The following SPRED3 variants were observed in gnomAD, a reference collection of about 807,000 sequenced individuals.
SPRED3 encodes the protein sprouty related EVH1 domain containing 3.
In SPRED3, 23 loss-of-function variants were observed where a neutral mutation model predicts 37.6. The ratio of observed to expected loss-of-function variants is 0.61; its 90% CI spans 0.44 to 0.87. The LOEUF (loss-of-function observed/expected upper bound fraction) is 0.87. SPRED3 is among the 40% of genes least tolerant of loss of function. The probability of loss-of-function intolerance (pLI) is 0.00; values close to 1 mark genes in which losing one functional copy is unlikely to be tolerated. For synonymous variants in SPRED3, 302 were observed against 279.6 expected (o/e 1.08, Z -0.80); for missense variants, 584 against 618.6 (o/e 0.94, Z 0.59).
In SPRED3 at chr19:38,395,864, GC is replaced by G. The variant is rs1268184478; in HGVS notation, c.956del (p.Pro319ArgfsTer11). The G allele has an allele frequency of 1.3e-6, 2 of 1,488,186 alleles. No homozygotes were observed. Among genetic ancestry groups the G allele is most frequent in the Non-Finnish European group, 1.8e-6 (2 of 1,126,956 alleles). The allele number at this position is 1,488,186 out of a possible 1,614,324, so 92.2% of individuals were successfully genotyped here. ...ADGRGGRCAE[A>X]PDPGRLLVRR... is the part of the protein sequence containing the mutation. ...CGGGCGTGGCGGCCGCTGCGCAGAG[GC>G]CCCGGACCCGGGTCGCCTCCTGGTG... is the stretch of plus-strand genomic sequence containing the variant. On this transcript the variant is annotated frameshift_variant, in exon 6 of 6. Coordinates refer to ENST00000691638, the MANE Select transcript of SPRED3 (RefSeq NM_001394336.1). LOFTEE classifies it high-confidence loss of function. The surrounding 1 kb of genome is among the most constrained non-coding windows in gnomAD (Gnocchi z 5.2).
At chr19:38,393,782 C>T (rs1265070091) in intron 4 of SPRED3, among the ~76,000 whole-genome samples, 6 of 152,134 alleles carry the variant, frequency 3.9e-5, no homozygotes, top group African/African-American at 1.2e-4. Flanking sequence ...GTTGAATAAA[C>T]GGAATGAATG....
intron 2 of SPRED3, 99 bp downstream of exon 2, chr19:38,390,578 G>A (rs1169509746): frequency 1.0e-6 from 1 of 1,000,156 alleles, no homozygotes; most frequent in Non-Finnish European, 1.3e-6. Context: ...CCCAGCCTAG[G>A]AATCAAGCTG....
intron 2 of SPRED3, among the ~76,000 whole-genome samples, 170 bp from the exon 3 acceptor site, chr19:38,391,776 T>G (rs1970835459): frequency 6.6e-6 from 1 of 151,930 alleles, no homozygotes; most frequent in Non-Finnish European, 1.5e-5. Flanking sequence ...ACAAAACAAG[T>G]AAAACTGGGG....
rs377627836 is a variant in SPRED3, at chr19:38,392,017, C to T, written c.249C>T (p.Ser83=). The change falls in exon 3 of 6, where the codon AGC becomes AGT. Residue 83 remains serine (S), a synonymous_variant. Transcript: ENST00000691638. ...TGAATCCCATCTTTCACCACTGGAGCCTGGGTGACTGCAAGTTTGGACTGA... is the reference window on the plus strand; with the variant it reads ...TGAATCCCATCTTTCACCACTGGAGTCTGGGTGACTGCAAGTTTGGACTGA... ...NKVNPIFHHW[S]LGDCKFGLTF... 9.9e-6 allele frequency: 16 copies of T among 1,614,086 alleles called. No homozygotes were observed. The African/African-American group carries it at 2.0e-4, about 20-fold the overall frequency.
intron 2 of SPRED3, among the ~76,000 whole-genome samples, chr19:38,391,511 C>T (rs1230591279): frequency 2.0e-5 from 3 of 151,944 alleles, no homozygotes; most frequent in South Asian, 2.1e-4. Flanking sequence ...CAGCAAGATT[C>T]GGGGTTTCTA....
In SPRED3 at chr19:38,395,893, C is replaced by A; in HGVS notation, c.981C>A (p.Arg327=). 6.6e-7 allele frequency: 1 copy of A among 1,504,074 alleles called. No individual in the cohort carries two copies. The highest frequency in any genetic ancestry group is 8.8e-7 in the Non-Finnish European group (1 of 1,135,106). 93.2% of individuals were successfully genotyped at this position (1,504,074 alleles called of 1,614,324 possible). Residue 327 remains arginine, a synonymous_variant, in exon 6 of 6, where the codon CGC becomes CGA. Transcript: ENST00000691638. This position sits in a 1 kb window ranked among gnomAD's most constrained non-coding sequence, Gnocchi z 5.2. Reference sequence around the variant, plus strand: ...CGGACCCGGGTCGCCTCCTGGTGCGCCGTCTAAGCTGCCTGTGGTGCGCCG... The same window carrying A: ...CGGACCCGGGTCGCCTCCTGGTGCGACGTCTAAGCTGCCTGTGGTGCGCCG... ...EAPDPGRLLV[R]RLSCLWCAES... is the part of the protein sequence containing the mutation.
intron 2 of SPRED3, among the ~76,000 whole-genome samples, 159 bp from the exon 3 acceptor site, chr19:38,391,787 A>C (rs1266155640): frequency 6.6e-6 from 1 of 152,090 alleles, no homozygotes; most frequent in Non-Finnish European, 1.5e-5. Context: ...AAAACTGGGG[A>C]GTCGTATCAG....
At chr19:38,390,836 C>T (rs1970823994) in intron 2 of SPRED3, among the ~76,000 whole-genome samples, 1 of 145,844 alleles carries the variant, frequency 6.9e-6, no homozygotes, top group Non-Finnish European at 1.5e-5. Context: ...CTCAGAGATC[C>T]TTGCCACGAG....
chr19:38,391,324 GA>G (rs769735728), intron 2 of SPRED3, among the ~76,000 whole-genome samples: 1,977 of 111,584 alleles, frequency 0.018, 24 homozygotes, highest in Admixed American at 0.031. Context: ...AGCTCATCTG[GA>G]AAAAAAAAAA....
chr19:38,394,005 T>C (rs188833835), intron 4 of SPRED3, among the ~76,000 whole-genome samples: 198 of 152,334 alleles, frequency 1.3e-3, no homozygotes, highest in African/African-American at 4.7e-3. Context: ...CCCTCTGGAA[T>C]CTGCACAGTG....
Position 38,394,669 on chromosome 19 carries a change from C to T in SPRED3, c.450C>T (p.Ser150=). 1.3e-6 allele frequency: 2 copies of T among 1,598,540 alleles called. No homozygotes were observed. The highest frequency in any genetic ancestry group is 1.7e-6 in the Non-Finnish European group (2 of 1,176,170). ...LTSHVDSDSS[S]SHSRQETPPS... Reference sequence around the variant, plus strand: ...CCCACGTGGACAGCGACTCCTCCTCCAGTCACAGCCGCCAGGAGACTCCTC... The same window carrying T: ...CCCACGTGGACAGCGACTCCTCCTCTAGTCACAGCCGCCAGGAGACTCCTC... The change falls in exon 5 of 6, where the codon TCC becomes TCT. Residue 150 remains serine (S), a synonymous_variant. Transcript: ENST00000691638.
chr19:38,392,864 C>T lies in SPRED3; in HGVS notation c.423+576C>T, dbSNP rs575639598. ...CATCTCAATAGCTTCTCACTGTCAA[C>T]TCCTTCCCTCCTGCCCCCACACATA... On this transcript the variant is annotated intron_variant, in intron 4 of 5. Coordinates refer to ENST00000691638, the MANE Select transcript of SPRED3 (RefSeq NM_001394336.1). 6.0e-4 allele frequency among the ~76,000 whole-genome samples: 92 copies of T among 152,318 alleles called. 3 individuals are homozygous for T. The highest frequency in any genetic ancestry group is 2.0e-3 in the African/African-American group (83 of 41,558).
Position 38,388,813 on chromosome 19 carries a change from T to G in SPRED3, c.-5+6T>G, listed in dbSNP as rs554779575. The G allele has an allele frequency of 2.5e-6, 1 of 397,748 alleles. No individual in the cohort carries two copies. The allele number at this position is 397,748 out of a possible 1,614,324, so 24.6% of individuals were successfully genotyped here. On this transcript the variant is annotated splice_donor_region_variant and intron_variant, in intron 1 of 5. Coordinates refer to ENST00000691638, the MANE Select transcript of SPRED3 (RefSeq NM_001394336.1). ...GCCCGGCCGGAGCCTCGCAGGCAGG[T>G]GCCGAGGGGGGCGAGGGGGCGGGGG...
In SPRED3 at chr19:38,392,207, C is replaced by A. The variant is rs1244550013; in HGVS notation, c.347-5C>A. 2 of 1,600,030 alleles carry A rather than the reference C, an allele frequency of 1.2e-6. No homozygotes were observed. Among genetic ancestry groups the A allele is most frequent in the Non-Finnish European group, 1.7e-6 (2 of 1,172,470 alleles). On this transcript the variant is annotated splice_polypyrimidine_tract_variant and splice_region_variant and intron_variant, in intron 3 of 5. Transcript: ENST00000691638. ...ACTCACTCTCTGCCTCTCTCCCTGCCCCAGGCTCACTCACCCCCTCCTCCT... is the reference window on the plus strand; with the variant it reads ...ACTCACTCTCTGCCTCTCTCCCTGCACCAGGCTCACTCACCCCCTCCTCCT...
chr19:38,396,063 C>G lies in SPRED3; in HGVS notation c.1151C>G (p.Ala384Gly). ...GCAGTGCCCTGCCTCTGCTGCTACG[C>G]GCCCCTGCGCGCGTGCCACTGGGTC... ...SLAVPCLCCY[A>G]PLRACHWVAA... Residue 384 changes from alanine (A) to glycine (G), a missense_variant, in exon 6 of 6, where the codon GCG becomes GGG. Ala to Gly is a moderately conservative substitution (Grantham distance 60). Around this residue, in one of 7 missense-constraint regions of SPRED3, gnomAD observed 85 missense variants for 117.8 expected, o/e 0.72. Coordinates refer to ENST00000691638, the MANE Select transcript of SPRED3 (RefSeq NM_001394336.1). 7.4e-7 allele frequency: 1 copy of G among 1,348,048 alleles called. No individual in the cohort carries two copies. Among genetic ancestry groups the G allele is most frequent in the East Asian group, 3.1e-5 (1 of 32,300 alleles). 83.5% of individuals were successfully genotyped at this position (1,348,048 alleles called of 1,614,324 possible). A position where few individuals can be genotyped will look rare whatever the true frequency, so the allele number is the denominator to read the frequency against.
At position 38,395,458 on chromosome 19, in the gene SPRED3, T is replaced by C; in HGVS notation, c.568-22T>C. On this transcript the variant is annotated intron_variant, in intron 5 of 5. Coordinates refer to ENST00000691638, the MANE Select transcript of SPRED3 (RefSeq NM_001394336.1). The surrounding 1 kb of genome is among the most constrained non-coding windows in gnomAD (Gnocchi z 5.2). Reference sequence around the variant, plus strand: ...GCTAAGACTGGGATGGATTCTGATCTGTTTGTCCCTTCGTTCCGCAGAGCT... The same window carrying C: ...GCTAAGACTGGGATGGATTCTGATCCGTTTGTCCCTTCGTTCCGCAGAGCT... 7.0e-7 allele frequency: 1 copy of C among 1,420,642 alleles called. No homozygotes were observed. Among genetic ancestry groups the C allele is most frequent in the East Asian group, 2.9e-5 (1 of 34,912 alleles). 88.0% of individuals were successfully genotyped at this position (1,420,642 alleles called of 1,614,324 possible). A position where few individuals can be genotyped will look rare whatever the true frequency, so the allele number is the denominator to read the frequency against.
intron 1 of SPRED3, among the ~76,000 whole-genome samples, chr19:38,389,153 G>T (rs1173323137): frequency 6.6e-6 from 1 of 152,230 alleles, no homozygotes; most frequent in African/African-American, 2.4e-5. Flanking sequence ...GCCCTGGGGG[G>T]ACCCCTGCTC....
chr19:38,390,219 G>T, intron 1 of SPRED3, 80 bp from the exon 2 acceptor site: 1 of 1,281,188 alleles, frequency 7.8e-7, no homozygotes. Context: ...GGGAGATGAG[G>T]GTTGAGGGAA....
At position 38,395,875 on chromosome 19, in the gene SPRED3, G is replaced by C. The variant is rs758268599; in HGVS notation, c.963G>C (p.Pro321=). Residue 321 remains proline, a synonymous_variant, in exon 6 of 6, where the codon CCG becomes CCC. Coordinates refer to ENST00000691638, the MANE Select transcript of SPRED3 (RefSeq NM_001394336.1). This position sits in a 1 kb window ranked among gnomAD's most constrained non-coding sequence, Gnocchi z 5.2. The part of the protein sequence containing the change: ...RGGRCAEAPD[P]GRLLVRRLSC... The stretch of plus-strand genomic sequence containing the variant: ...GCCGCTGCGCAGAGGCCCCGGACCC[G>C]GGTCGCCTCCTGGTGCGCCGTCTAA... 1 of 1,496,188 alleles carries C rather than the reference G, an allele frequency of 6.7e-7. No homozygotes were observed. The allele number at this position is 1,496,188 out of a possible 1,614,324, so 92.7% of individuals were successfully genotyped here. A position where few individuals can be genotyped will look rare whatever the true frequency, so the allele number is the denominator to read the frequency against.
Sources: allele counts gnomAD v4.1 joint callset (sites outside exome capture counted in the v4.1 genomes callset), GRCh38; gene constraint gnomAD v4.1.1; regional missense constraint gnomAD v4.1.1; non-coding constraint Gnocchi (gnomAD v3.1); transcripts MANE v1.5; gene names NCBI Gene and HGNC (gene_info 2026-07-23, HGNC 2026-07-21).